The following DNAAF1 variants were observed in gnomAD, a reference collection of about 807,000 sequenced individuals.
DNAAF1 encodes the protein dynein axonemal assembly factor 1, also known as dynein assembly factor 1, axonemal.
In DNAAF1, 65 loss-of-function variants were observed where a neutral mutation model predicts 71.1. That is an observed-to-expected ratio of 0.91 (90% confidence interval 0.75 to 1.12). The LOEUF (loss-of-function observed/expected upper bound fraction) is 1.12. Ranked by LOEUF, DNAAF1 falls within the 50% of genes most tolerant of loss-of-function variation. The pLI is 0.00. For synonymous variants in DNAAF1, 414 were observed against 354.6 expected (o/e 1.17, Z -1.88); for missense variants, 1,178 against 899.8 (o/e 1.31, Z -3.96).
chr16:84,154,367 T>C (rs2087316024), intron 3 of DNAAF1, among the ~76,000 whole-genome samples: 1 of 152,124 alleles, frequency 6.6e-6, no homozygotes, highest in Admixed American at 6.6e-5. Context: ...AGACCACTAA[T>C]CCCATTCCTG....
chr16:84,150,416 A>G, intron 3 of DNAAF1, 74 bp downstream of exon 3: 4 of 1,154,122 alleles, frequency 3.5e-6, no homozygotes, highest in Non-Finnish European at 5.2e-6. Flanking sequence ...AATTACTTGC[A>G]GGGATCACCT....
chr16:84,177,267 T>G, intron 11 of DNAAF1: 1 of 251,200 alleles, frequency 4.0e-6, no homozygotes, highest in Non-Finnish European at 7.9e-6. Context: ...TGGAGGACGT[T>G]GAATAATTTG....
At chr16:84,170,537 A>G (rs1032270685) in intron 8 of DNAAF1, among the ~76,000 whole-genome samples, 181 bp downstream of exon 8, 14 of 152,366 alleles carry the variant, frequency 9.2e-5, no homozygotes, top group African/African-American at 3.4e-4. Context: ...GAAATGGAAC[A>G]GGAGCCACTA....
At position 84,154,591 on chromosome 16, in the gene DNAAF1, G is replaced by C; in HGVS notation, c.367G>C (p.Glu123Gln). The C allele has an allele frequency of 1.9e-6, 3 of 1,614,098 alleles. No homozygotes were observed. The highest frequency in any genetic ancestry group is 2.5e-6 in the Non-Finnish European group (3 of 1,180,026). Residue 123 changes from glutamate (E) to glutamine (Q), a missense_variant, in exon 4 of 12, where the codon GAG (glutamate) becomes CAG (glutamine). By Grantham distance (29) the Glu-to-Gln change is conservative (BLOSUM62 2). Coordinates refer to ENST00000378553, the MANE Select transcript of DNAAF1 (RefSeq NM_178452.6). ...CTTTTTGTTAGGTTTTGATCGCATT[G>C]AGAACCTGGAAGAGTACACAGGGCT... Reference protein sequence around the residue: ...YLHFKGFDRIENLEEYTGLRC... With the variant: ...YLHFKGFDRIQNLEEYTGLRC...
chr16:84,154,289 A>G (rs1000097794), intron 3 of DNAAF1, among the ~76,000 whole-genome samples: 3 of 152,102 alleles, frequency 2.0e-5, no homozygotes, highest in African/African-American at 7.2e-5. Flanking sequence ...TTATTCGCAG[A>G]TGGCACTTTC....
chr16:84,154,471 A>G, intron 3 of DNAAF1, 106 bp from the exon 4 acceptor site: 1 of 959,928 alleles, frequency 1.0e-6, no homozygotes, highest in South Asian at 1.4e-5. Flanking sequence ...TGAATTTTGA[A>G]GGGACACAGA....
rs2087122370 is a variant in DNAAF1, at chr16:84,150,264, T to TC, written c.277dup (p.Leu93ProfsTer18). The TC allele has an allele frequency of 6.2e-7, 1 of 1,613,324 alleles. No homozygotes were observed. On this transcript the variant is annotated frameshift_variant, in exon 3 of 12. Coordinates refer to ENST00000378553, the MANE Select transcript of DNAAF1 (RefSeq NM_178452.6). LOFTEE classifies it high-confidence loss of function. ...CCATTTTAACAGAATGACTAAAAGT[T>TC]CCCTGCAAAAACTCTGCAAGCAGCA... is the stretch of plus-strand genomic sequence containing the variant.
intron 7 of DNAAF1, 88 bp downstream of exon 7, chr16:84,166,037 ATTTTTTTTTT>A (rs58906103): frequency 0.016 from 17,795 of 1,080,390 alleles, 75 homozygotes; most frequent in African/African-American, 0.021. Flanking sequence ...AATCTTGGGA[ATTTTTTTTTT>A]TTTTTTTTTT....
chr16:84,154,858 G>T (rs1481371703), intron 4 of DNAAF1, 60 bp downstream of exon 4: 2 of 1,381,852 alleles, frequency 1.4e-6, no homozygotes, highest in East Asian at 2.3e-5. Context: ...TTCCCCTGAG[G>T]GATGTTCTAA....
At chr16:84,162,953 G>GAGTCACTC (rs1318488271) in intron 6 of DNAAF1, among the ~76,000 whole-genome samples, 12 of 152,286 alleles carry the variant, frequency 7.9e-5, no homozygotes, top group African/African-American at 2.9e-4. Flanking sequence ...CATATAAATG[G>GAGTCACTC]AGTCACTCAC....
intron 10 of DNAAF1, chr16:84,175,646 AGAGCCCAGGGCTCAGG>A: frequency 2.2e-6 from 1 of 452,582 alleles, no homozygotes; most frequent in South Asian, 2.2e-5. Flanking sequence ...CATGCCAAGC[AGAGCCCAGGGCTCAGG>A]GGTGCGCCCT....
intron 5 of DNAAF1, among the ~76,000 whole-genome samples, chr16:84,157,510 C>CAAAAAAA (rs59707812): frequency 1.2e-5 from 1 of 82,350 alleles, no homozygotes; most frequent in Admixed American, 1.4e-4. Flanking sequence ...GACACTGTGT[C>CAAAAAAA]AAAAAAAAAA....
rs1287215005 is a variant in DNAAF1, at chr16:84,148,582, T to TTCTCTC, written c.125-415_125-410dup. Among the ~76,000 whole-genome samples, 275 of 117,438 alleles carry TTCTCTC rather than the reference T, an allele frequency of 2.3e-3. 4 individuals are homozygous for TTCTCTC. The highest frequency in any genetic ancestry group is 3.9e-3 in the African/African-American group (109 of 28,192). 77.0% of individuals were successfully genotyped at this position (117,438 alleles called of 152,430 possible). ...ATTGTTACACATTTAAAGATTACTG[T>TTCTCTC]TCTCTCTCTCTCTCTTTTTTTTTTT... On this transcript the variant is annotated intron_variant, in intron 1 of 11. Transcript: ENST00000378553.
At chr16:84,146,384 G>C (rs2086909520) in intron 1 of DNAAF1, among the ~76,000 whole-genome samples, 1 of 152,126 alleles carries the variant, frequency 6.6e-6, no homozygotes. Context: ...GGGTCAGTGT[G>C]TGATCCCCTC....
Position 84,154,609 on chromosome 16 carries a change from A to G in DNAAF1, c.385A>G (p.Thr129Ala), listed in dbSNP as rs953543419. 8.1e-6 allele frequency: 13 copies of G among 1,614,056 alleles called. No individual in the cohort carries two copies. In the African/African-American group the frequency reaches 1.2e-4, roughly 15 times the overall value. The part of the protein sequence containing the change: ...FDRIENLEEY[T>A]GLRCLWLQSN... ...TCGCATTGAGAACCTGGAAGAGTAC[A>G]CAGGGCTGCGCTGTCTCTGGCTGCA... Residue 129 changes from threonine to alanine, a missense_variant, in exon 4 of 12, where the codon ACA becomes GCA. Transcript: ENST00000378553.
At chr16:84,148,596 C>CTCTCTCTTTTTTTTTTTTTTTTTTTTTTT in intron 1 of DNAAF1, among the ~76,000 whole-genome samples, 12 of 43,576 alleles carry the variant, frequency 2.8e-4, no homozygotes, top group South Asian at 8.4e-4. Context: ...CTCTCTCTCT[C>CTCTCTCTTTTTTTTTTTTTTTTTTTTTTT]TTTTTTTTTT....
At position 84,165,943 on chromosome 16, in the gene DNAAF1, G is replaced by A. The variant is rs1435223373; in HGVS notation, c.1024G>A (p.Glu342Lys). The change falls in exon 7 of 12, where the codon GAG becomes AAG. Residue 342 changes from glutamate (E) to lysine (K), a missense_variant. By Grantham distance (56) the Glu-to-Lys change is moderately conservative. Coordinates refer to ENST00000378553, the MANE Select transcript of DNAAF1 (RefSeq NM_178452.6). ...GAGGAAAAGACAGAGAGAGAGTCAA[G>A]AGAGAGGTATGCGCTCGGCCGAAGA... is the stretch of plus-strand genomic sequence containing the variant. The part of the protein sequence containing the change: ...EERKRQRESQ[E>K]RGEMTSSDDG... The A allele has an allele frequency of 6.2e-7, 1 of 1,612,172 alleles. No homozygotes were observed. The highest frequency in any genetic ancestry group is 1.7e-5 in the Admixed American group (1 of 59,828).
At chr16:84,172,167 G>A (rs901566077) in intron 8 of DNAAF1, 93 bp from the exon 9 acceptor site, 51 of 1,228,238 alleles carry the variant, frequency 4.2e-5, no homozygotes, top group African/African-American at 4.0e-4. Context: ...ATGAGCCACC[G>A]AGCCCGGCCC....
intron 10 of DNAAF1, chr16:84,175,289 A>G (rs2088592559): frequency 5.7e-6 from 1 of 174,868 alleles, no homozygotes; most frequent in South Asian, 1.3e-4. Flanking sequence ...TAGTTAGCTG[A>G]AAGTACTTTC....
Sources: allele counts gnomAD v4.1 joint callset (sites outside exome capture counted in the v4.1 genomes callset), GRCh38; gene constraint gnomAD v4.1.1; transcripts MANE v1.5; gene names NCBI Gene and HGNC (gene_info 2026-07-23, HGNC 2026-07-21).